The following ATF2 variants were observed in gnomAD, a reference collection of about 807,000 sequenced individuals.
ATF2 encodes cyclic AMP-dependent transcription factor ATF-2.
A neutral mutation model predicts 60.6 loss-of-function variants in ATF2; 24 were observed. The observed-to-expected ratio is 0.40, with a 90% CI of 0.29 to 0.56. ATF2 has a LOEUF of 0.56. Ranked by LOEUF, ATF2 falls within the 20% of genes least tolerant of loss-of-function variation. The pLI is 0.54. For synonymous variants in ATF2, 206 were observed against 215.4 expected (o/e 0.96, Z 0.38); for missense variants, 433 against 607.7 (o/e 0.71, Z 3.02).
intron 8 of ATF2, 90 bp downstream of exon 8, chr2:175,114,600 T>G: frequency 6.6e-7 from 1 of 1,526,456 alleles, no homozygotes; most frequent in East Asian, 2.3e-5. Context: ...AACTAAGATC[T>G]TAGTTTGAAT....
At chr2:175,132,153 T>G (rs1697778178) in intron 3 of ATF2, among the ~76,000 whole-genome samples, 2 of 152,180 alleles carry the variant, frequency 1.3e-5, no homozygotes, top group South Asian at 4.1e-4. Flanking sequence ...AAGGTAAATA[T>G]TTTAGTATTA....
At chr2:175,096,971 T>TA (rs978479029) in intron 11 of ATF2, among the ~76,000 whole-genome samples, 3 of 152,222 alleles carry the variant, frequency 2.0e-5, no homozygotes, top group African/African-American at 7.2e-5. Flanking sequence ...TGTTAATAGT[T>TA]ACAGTTTATG....
intron 10 of ATF2, among the ~76,000 whole-genome samples, chr2:175,103,357 T>C (rs540797305): frequency 1.3e-5 from 2 of 152,276 alleles, no homozygotes; most frequent in South Asian, 4.1e-4. Flanking sequence ...ATTATCATTA[T>C]TGTGGTCTTT....
chr2:175,121,356 G>A (rs1302169059), intron 5 of ATF2, 88 bp downstream of exon 5: 2 of 762,792 alleles, frequency 2.6e-6, no homozygotes, highest in Non-Finnish European at 4.0e-6. Flanking sequence ...AATATCACCA[G>A]ACTATATTAT....
At chr2:175,097,007 G>C (rs1041082760) in intron 11 of ATF2, among the ~76,000 whole-genome samples, 2 of 152,042 alleles carry the variant, frequency 1.3e-5, no homozygotes, top group African/African-American at 4.8e-5. Flanking sequence ...TGGACAATAA[G>C]AAAACAAGAT....
intron 10 of ATF2, among the ~76,000 whole-genome samples, chr2:175,107,298 G>C (rs895378482): frequency 2.6e-5 from 4 of 152,116 alleles, no homozygotes; most frequent in African/African-American, 9.7e-5. Flanking sequence ...CAAGAATGTG[G>C]GAACAACTGG....
At chr2:175,108,469 T>G (rs1236745433) in intron 10 of ATF2, among the ~76,000 whole-genome samples, 2 of 137,454 alleles carry the variant, frequency 1.5e-5, no homozygotes, top group African/African-American at 5.7e-5. Flanking sequence ...AGGTGGGGGG[T>G]CAGCCCCCGC....
At chr2:175,139,470 A>G (rs1270299028) in intron 2 of ATF2, among the ~76,000 whole-genome samples, 6 of 151,936 alleles carry the variant, frequency 3.9e-5, no homozygotes, top group Non-Finnish European at 8.8e-5. Context: ...TCAGGAGTTC[A>G]AGACCAGCCT....
chr2:175,096,533 T>C (rs1310005154), intron 11 of ATF2, among the ~76,000 whole-genome samples: 1 of 152,174 alleles, frequency 6.6e-6, no homozygotes, highest in Non-Finnish European at 1.5e-5. Context: ...TGTTTTACAA[T>C]GAGTGAGCAA....
At chr2:175,130,024 C>T in intron 4 of ATF2, 114 bp downstream of exon 4, 1 of 829,116 alleles carries the variant, frequency 1.2e-6, no homozygotes, top group Non-Finnish European at 1.7e-6. Flanking sequence ...TTCATCCTAA[C>T]TCTAAAATTT....
chr2:175,121,584 A>G, intron 4 of ATF2, 44 bp from the exon 5 acceptor site: 1 of 1,402,624 alleles, frequency 7.1e-7, no homozygotes, highest in Non-Finnish European at 9.9e-7. Flanking sequence ...TTTCAATTTG[A>G]TCAAATAAGT....
intron 13 of ATF2, among the ~76,000 whole-genome samples, chr2:175,078,146 T>C (rs538337976): frequency 1.3e-5 from 2 of 152,140 alleles, no homozygotes; most frequent in South Asian, 2.1e-4. Context: ...TTAAACTTTA[T>C]TTTTTGTAGA....
At chr2:175,124,014 T>C (rs1697147659) in intron 4 of ATF2, among the ~76,000 whole-genome samples, 1 of 152,172 alleles carries the variant, frequency 6.6e-6, no homozygotes, top group East Asian at 1.9e-4. Context: ...ATGCATTCTT[T>C]ATTTATTTAT....
intron 10 of ATF2, among the ~76,000 whole-genome samples, chr2:175,106,170 A>G (rs1421360028): frequency 6.6e-6 from 1 of 152,214 alleles, no homozygotes; most frequent in Non-Finnish European, 1.5e-5. Flanking sequence ...GCTACACACT[A>G]AAAGAAAATA....
chr2:175,113,349 G>GCTCA (rs1035177195), intron 9 of ATF2, among the ~76,000 whole-genome samples: 2 of 151,632 alleles, frequency 1.3e-5, no homozygotes, highest in African/African-American at 2.4e-5. Context: ...AAACGCCTGG[G>GCTCA]CTCACACAAT....
At chr2:175,148,428 A>C (rs1227381090) in intron 2 of ATF2, among the ~76,000 whole-genome samples, 4 of 151,860 alleles carry the variant, frequency 2.6e-5, no homozygotes, top group Non-Finnish European at 5.9e-5. Flanking sequence ...TGAGACTCTG[A>C]GAACCTCTGA....
In ATF2 at chr2:175,092,187, T is replaced by C. The variant is rs964567707; in HGVS notation, c.1185+874A>G. On this transcript the variant is annotated intron_variant, in intron 12 of 13. Transcript: ENST00000264110. ...CCATTTAAACAGACAACTATATTGG[T>C]GATATCTTAAAGACAGATTTAAGAA... Among the ~76,000 whole-genome samples, 35 of 152,168 alleles carry C rather than the reference T, an allele frequency of 2.3e-4. 2 individuals carry two copies.
chr2:175,080,577 C>T (rs1478509946), intron 13 of ATF2, 83 bp downstream of exon 13: 5 of 1,023,740 alleles, frequency 4.9e-6, no homozygotes, highest in African/African-American at 4.8e-5. Flanking sequence ...GCACAGTCTC[C>T]ATTTTTAAAG....
chr2:175,128,746 C>T (rs181073371), intron 4 of ATF2, among the ~76,000 whole-genome samples: 11 of 152,024 alleles, frequency 7.2e-5, no homozygotes, highest in African/African-American at 1.9e-4. Context: ...GATATTATTA[C>T]GAAAATTAAG....
Sources: gnomAD v4.1 joint callset for allele counts (sites outside exome capture counted in the v4.1 genomes callset) on GRCh38, gnomAD v4.1.1 for gene constraint, MANE v1.5 for transcripts, NCBI Gene and HGNC (gene_info 2026-07-23, HGNC 2026-07-21) for gene names.